NBPF26: variants seen among roughly 807,000 people sequenced by gnomAD.
NBPF26 encodes NBPF family member NBPF26.
Under a neutral mutation model 119.6 loss-of-function variants are expected in NBPF26, and 79 were observed. The observed-to-expected ratio is 0.66, with a 90% CI of 0.55 to 0.80. The LOEUF is 0.80. Ranked by LOEUF, NBPF26 falls within the 30% of genes least tolerant of loss-of-function variation. NBPF26 has a pLI of 0.00. For synonymous variants in NBPF26, 299 were observed against 457.7 expected (o/e 0.65, Z 4.43); for missense variants, 800 against 1,198.2 (o/e 0.67, Z 4.91).
In NBPF26 at chr1:120,763,663, A is replaced by G; in HGVS notation, c.109A>G (p.Asn37Asp). ...TCGAGATGGCTATGAACCCTGTGTAAATAAAGGAATGTGTGTTACCTACCA... is the reference window on the plus strand; with the variant it reads ...TCGAGATGGCTATGAACCCTGTGTAGATAAAGGAATGTGTGTTACCTACCA... Residue 37 changes from asparagine (N) to aspartate (D), a missense_variant, in exon 2 of 30, where the codon AAT becomes GAT. Asn to Asp is a conservative substitution (Grantham distance 23). Coordinates refer to ENST00000620612, the Ensembl canonical transcript of NBPF26. 4.2e-6 allele frequency: 6 copies of G among 1,415,394 alleles called. 1 individual carries two copies. Among genetic ancestry groups the G allele is most frequent in the Non-Finnish European group, 5.7e-6 (6 of 1,056,798 alleles). The allele number at this position is 1,415,394 out of a possible 1,614,324, so 87.7% of individuals were successfully genotyped here. A position where few individuals can be genotyped will look rare whatever the true frequency, so the allele number is the denominator to read the frequency against.
rs1652135225 is a variant in NBPF26 at position 120,822,276 on chromosome 1, T to G, written c.2587+9T>G. 1.9e-6 allele frequency: 2 copies of G among 1,025,950 alleles called. 1 individual carries two copies. The highest frequency in any genetic ancestry group is 2.7e-5 in the South Asian group (2 of 73,480). The allele number at this position is 1,025,950 out of a possible 1,614,324, so 63.6% of individuals were successfully genotyped here. A position where few individuals can be genotyped will look rare whatever the true frequency, so the allele number is the denominator to read the frequency against. On this transcript the variant is annotated intron_variant, in intron 16 of 29. Transcript: ENST00000620612. ...GGCTGTTGACATAGGCAGTGAGTAC[T>G]CCATTGTGAAGGTGATAAAGCTCCA...
rs1299938334 is a variant in NBPF26 at position 120,724,128 on chromosome 1, AGGC to A, written c.-29_-27del. On this transcript the variant is annotated 5_prime_UTR_variant, in exon 1 of 30. Transcript: ENST00000620612. ...ACCCCCTCCCCATGTGGATCTGCCC[AGGC>A]GGCGGCGGCGGCGGCGGCGGAGGAG... 145 of 1,336,870 alleles carry A rather than the reference AGGC, an allele frequency of 1.1e-4. 16 individuals carry two copies. The highest frequency in any genetic ancestry group is 2.4e-4 in the African/African-American group (8 of 33,370). 82.8% of individuals were successfully genotyped at this position (1,336,870 alleles called of 1,614,324 possible).
At position 120,785,027 on chromosome 1, in the gene NBPF26, A is replaced by G. The variant is rs1651405432; in HGVS notation, c.209A>G (p.Lys70Arg). The G allele has an allele frequency of 3.5e-6, 5 of 1,435,720 alleles. 1 individual carries two copies. Among genetic ancestry groups the G allele is most frequent in the South Asian group, 2.4e-5 (2 of 82,910 alleles). 88.9% of individuals were successfully genotyped at this position (1,435,720 alleles called of 1,614,324 possible). ...TGTCAACATCGAGACCCCTGTGAGAAGAACCGCTGCCAGAATGGTGGGACT... is the reference window on the plus strand; with the variant it reads ...TGTCAACATCGAGACCCCTGTGAGAGGAACCGCTGCCAGAATGGTGGGACT... Residue 70 changes from lysine to arginine, a missense_variant, in exon 3 of 30, where the codon AAG becomes AGG. Lys to Arg is a conservative substitution (Grantham distance 26, BLOSUM62 2). Coordinates refer to ENST00000620612, the Ensembl canonical transcript of NBPF26.
chr1:120,769,620 T>C lies in NBPF26; in HGVS notation c.155+5911T>C, dbSNP rs1216887911. ...ATACCTCTCATAGAGTAATCTTTTC[T>C]TAAAATGTAATGTGTTCAGGTTTTA... On this transcript the variant is annotated intron_variant, in intron 2 of 29. Coordinates refer to ENST00000620612, the Ensembl canonical transcript of NBPF26. Among the ~76,000 whole-genome samples, 2 of 122,454 alleles carry C rather than the reference T, an allele frequency of 1.6e-5. 1 individual carries two copies. Among genetic ancestry groups the C allele is most frequent in the African/African-American group, 8.4e-5 (2 of 23,670 alleles). 80.3% of individuals were successfully genotyped at this position (122,454 alleles called of 152,430 possible).
At chr1:120,761,215 A>G (rs1432035304) in intron 1 of NBPF26, among the ~76,000 whole-genome samples, 1 of 123,192 alleles carries the variant, frequency 8.1e-6, no homozygotes, top group Non-Finnish European at 1.6e-5. Flanking sequence ...TTGTCAGGAC[A>G]CTTAATAGGA....
At chr1:120,724,497 G>T (rs2101333014) in intron 1 of NBPF26, among the ~76,000 whole-genome samples, 1 of 121,194 alleles carries the variant, frequency 8.3e-6, no homozygotes, top group Non-Finnish European at 1.6e-5. Flanking sequence ...CGCCTCCTCG[G>T]CAGGAGGGAG....
intron 1 of NBPF26, among the ~76,000 whole-genome samples, chr1:120,733,047 A>G (rs1355912644): frequency 4.0e-5 from 2 of 50,146 alleles, no homozygotes; most frequent in Non-Finnish European, 6.6e-5. Flanking sequence ...TCATGCTGGC[A>G]TTAATTTTTT....
intron 1 of NBPF26, among the ~76,000 whole-genome samples, chr1:120,752,554 ATTTTTTTTT>A (rs1188849971): frequency 5.3e-4 from 2 of 3,746 alleles, no homozygotes; most frequent in African/African-American, 3.4e-3. Flanking sequence ...ATATATATAT[ATTTTTTTTT>A]TTTTTTTTTT....
At chr1:120,759,745 G>A (rs1364106587) in intron 1 of NBPF26, among the ~76,000 whole-genome samples, 1 of 113,602 alleles carries the variant, frequency 8.8e-6, no homozygotes, top group Admixed American at 8.5e-5. Context: ...CATTTATAGG[G>A]TACAAAGTGA....
At chr1:120,770,646 A>G (rs1188913908) in intron 2 of NBPF26, among the ~76,000 whole-genome samples, 2 of 121,178 alleles carry the variant, frequency 1.7e-5, no homozygotes, top group Non-Finnish European at 1.6e-5. Flanking sequence ...GAGAGACTAT[A>G]TGGAAGCTAA....
At chr1:120,764,215 C>A (rs1651164592) in intron 2 of NBPF26, among the ~76,000 whole-genome samples, 1 of 115,182 alleles carries the variant, frequency 8.7e-6, no homozygotes, top group Non-Finnish European at 1.7e-5. Flanking sequence ...TCATTGCACT[C>A]TAGCCTGGGT....
In NBPF26 at chr1:120,788,021, G is replaced by T. The variant is rs1196368606; in HGVS notation, c.415+2788G>T. On this transcript the variant is annotated intron_variant, in intron 3 of 29. Coordinates refer to ENST00000620612, the Ensembl canonical transcript of NBPF26. ...TTCAGCAAACACCTCAGCAGGTTGT[G>T]TTTTTTTTTTTTTCCTGATGGAGAG... Among the ~76,000 whole-genome samples, 14 of 66,176 alleles carry T rather than the reference G, an allele frequency of 2.1e-4. 4 individuals carry two copies. Among genetic ancestry groups the T allele is most frequent in the African/African-American group, 1.7e-3 (12 of 7,004 alleles). The allele number at this position is 66,176 out of a possible 152,430, so 43.4% of individuals were successfully genotyped here.
chr1:120,793,445 G>A lies in NBPF26; in HGVS notation c.700G>A (p.Gly234Ser). 2.1e-6 allele frequency: 3 copies of A among 1,439,000 alleles called. 1 individual carries two copies. Among genetic ancestry groups the A allele is most frequent in the Non-Finnish European group, 2.8e-6 (3 of 1,076,892 alleles). The allele number at this position is 1,439,000 out of a possible 1,614,324, so 89.1% of individuals were successfully genotyped here. A position where few individuals can be genotyped will look rare whatever the true frequency, so the allele number is the denominator to read the frequency against. ...TGCACACTCGCCTTGTGTCAATGGA[G>A]GCACCTGTCGGCAGACTGGTGACTT... Residue 234 changes from glycine to serine, a missense_variant, in exon 4 of 30, where the codon GGC becomes AGC. Around this residue, in one of 13 missense-constraint regions of NBPF26, gnomAD observed 155 missense variants for 143.7 expected, o/e 1.08. Coordinates refer to ENST00000620612, the Ensembl canonical transcript of NBPF26.
Position 120,824,045 on chromosome 1 carries a change from C to T in NBPF26, c.2711C>T (p.Thr904Ile). ...GACTCACTGGATAGATGTTATTCAA[C>T]TCCTTCAGGTTGTCTTGAACTGACT... is the stretch of plus-strand genomic sequence containing the variant. Residue 904 changes from threonine (T) to isoleucine (I), a missense_variant, in exon 18 of 30, where the codon ACT (threonine) becomes ATT (isoleucine). By Grantham distance (89) the Thr-to-Ile change is moderately conservative (BLOSUM62 -1). This residue lies in a region of NBPF26 where 73 missense variants were observed against 50.7 expected (regional missense o/e 1.44). Transcript: ENST00000620612. 3.8e-6 allele frequency: 2 copies of T among 524,788 alleles called. 1 individual carries two copies. The highest frequency in any genetic ancestry group is 6.5e-6 in the Non-Finnish European group (2 of 306,156). 32.5% of individuals were successfully genotyped at this position (524,788 alleles called of 1,614,324 possible).
intron 1 of NBPF26, among the ~76,000 whole-genome samples, chr1:120,729,014 C>T (rs1650846715): frequency 8.6e-6 from 1 of 116,682 alleles, no homozygotes; most frequent in Non-Finnish European, 1.6e-5. Flanking sequence ...GCCCCAAATT[C>T]AGAGTCAACT....
In NBPF26 at chr1:120,724,291, G is replaced by A. The variant is rs1488328877; in HGVS notation, c.73+41G>A. ...AGGGGCGCTGTCCGCGGCGCCCGGG[G>A]CTGCCACCTGGGGCGACCCTTCTCC... On this transcript the variant is annotated intron_variant, in intron 1 of 29. Coordinates refer to ENST00000620612, the Ensembl canonical transcript of NBPF26. 19 of 1,370,990 alleles carry A rather than the reference G, an allele frequency of 1.4e-5. 3 individuals carry two copies. Among genetic ancestry groups the A allele is most frequent in the Non-Finnish European group, 1.7e-5 (18 of 1,051,552 alleles). The allele number at this position is 1,370,990 out of a possible 1,614,324, so 84.9% of individuals were successfully genotyped here. A position where few individuals can be genotyped will look rare whatever the true frequency, so the allele number is the denominator to read the frequency against.
intron 4 of NBPF26, among the ~76,000 whole-genome samples, chr1:120,795,890 A>G (rs1481029335): frequency 0.083 from 1,481 of 17,792 alleles, 276 homozygotes; most frequent in Non-Finnish European, 0.11. Context: ...ACTCCTAATT[A>G]TAATCAAATA....
rs1651512910 is a variant in NBPF26 at position 120,793,234 on chromosome 1, C to A, written c.489C>A (p.Ala163=). The A allele has an allele frequency of 6.2e-6, 9 of 1,440,806 alleles. 2 individuals are homozygous for A. The Admixed American group carries it at 1.8e-4, about 28-fold the overall frequency. The allele number at this position is 1,440,806 out of a possible 1,614,324, so 89.3% of individuals were successfully genotyped here. A position where few individuals can be genotyped will look rare whatever the true frequency, so the allele number is the denominator to read the frequency against. Residue 163 remains alanine (A), a synonymous_variant, in exon 4 of 30, where the codon GCC becomes GCA. Coordinates refer to ENST00000620612, the Ensembl canonical transcript of NBPF26. ...ATGGAAGTACCTGTACCACTGTGGC[C>A]AACCAGTTCTCCTGCAAATGCCTCA...
intron 4 of NBPF26, among the ~76,000 whole-genome samples, chr1:120,804,221 C>G (rs1402320561): frequency 2.6e-5 from 2 of 76,860 alleles, no homozygotes; most frequent in East Asian, 2.9e-4. Context: ...CTCTCAAGTT[C>G]CAGGCTCACA....
Sources: allele counts gnomAD v4.1 joint callset (sites outside exome capture counted in the v4.1 genomes callset), GRCh38; gene constraint gnomAD v4.1.1; regional missense constraint gnomAD v4.1.1; transcripts MANE v1.5; gene names NCBI Gene and HGNC (gene_info 2026-07-23, HGNC 2026-07-21).